The following PCDH15 variants were observed in gnomAD, a reference collection of about 807,000 sequenced individuals.
PCDH15 encodes the protein protocadherin-15.
A neutral mutation model predicts 178.5 loss-of-function variants in PCDH15; 129 were observed. That is an observed-to-expected ratio of 0.72 (90% CI 0.63 to 0.84). The LOEUF (loss-of-function observed/expected upper bound fraction) is 0.84, where lower values mean the gene tolerates loss of function less well. PCDH15 is among the 40% of genes least tolerant of loss of function. The pLI is 0.00. For missense variants in PCDH15, 2,230 were observed against 2,099.9 expected, an observed-to-expected ratio of 1.06 and a Z score of -1.21; for synonymous variants, 800 against 732.0, an observed-to-expected ratio of 1.09 and a Z score of -1.50.
At chr10:54,936,634 G>A (rs547483763) in intron 2 of PCDH15, among the ~76,000 whole-genome samples, 1 of 150,966 alleles carries the variant, frequency 6.6e-6, no homozygotes, top group Non-Finnish European at 1.5e-5. Context: ...AATAACTAAT[G>A]ATAATCATAA....
chr10:55,207,151 TGTTA>T (rs1840424652), intron 1 of PCDH15, among the ~76,000 whole-genome samples: 1 of 152,134 alleles, frequency 6.6e-6, no homozygotes, highest in Non-Finnish European at 1.5e-5. Flanking sequence ...TGAAAAACTT[TGTTA>T]TTTATTAAAT....
chr10:55,573,823 T>A (rs1842449976), intron 2 of PCDH15, among the ~76,000 whole-genome samples: 2 of 152,000 alleles, frequency 1.3e-5, no homozygotes, highest in Admixed American at 6.6e-5. Flanking sequence ...TGGTCTATGA[T>A]GTTTCCATTT....
At chr10:54,579,457 C>A (rs1048089229) in intron 2 of PCDH15, among the ~76,000 whole-genome samples, 1 of 152,102 alleles carries the variant, frequency 6.6e-6, no homozygotes, top group African/African-American at 2.4e-5. Context: ...TAAATATGCA[C>A]ACACTCAATA....
intron 1 of PCDH15, among the ~76,000 whole-genome samples, chr10:55,272,981 T>A (rs893037421): frequency 2.0e-5 from 3 of 152,158 alleles, no homozygotes; most frequent in East Asian, 3.9e-4. Context: ...GTCTCCCCTA[T>A]GAGACTATGA....
At chr10:55,342,149 T>C (rs1436568017) in intron 2 of PCDH15, among the ~76,000 whole-genome samples, 1 of 151,660 alleles carries the variant, frequency 6.6e-6, no homozygotes, top group Non-Finnish European at 1.5e-5. Context: ...TTTTTTAATA[T>C]TTCTTTTTAG....
intron 8 of PCDH15, among the ~76,000 whole-genome samples, chr10:54,285,652 C>T (rs2058985445): frequency 6.6e-6 from 1 of 152,050 alleles, no homozygotes; most frequent in Non-Finnish European, 1.5e-5. Context: ...TTATGAAAAA[C>T]AATATGGAGG....
chr10:53,963,668 C>T (rs2088618728), intron 21 of PCDH15, among the ~76,000 whole-genome samples: 1 of 152,008 alleles, frequency 6.6e-6, no homozygotes, highest in African/African-American at 2.4e-5. Context: ...AAATTTATAA[C>T]TCTTCTACTA....
intron 20 of PCDH15, among the ~76,000 whole-genome samples, chr10:54,010,313 C>T (rs557364014): frequency 6.6e-6 from 1 of 152,036 alleles, no homozygotes; most frequent in African/African-American, 2.4e-5. Context: ...CAGGGCTTCC[C>T]AACCTAGGAC....
intron 1 of PCDH15, among the ~76,000 whole-genome samples, chr10:54,665,797 G>A (rs1045253799): frequency 7.9e-5 from 12 of 151,896 alleles, no homozygotes; most frequent in African/African-American, 2.9e-4. Flanking sequence ...CAAAGTGCTT[G>A]GCGCGTGCAT....
chr10:54,976,818 C>G (rs1414023318), intron 2 of PCDH15, among the ~76,000 whole-genome samples: 1 of 152,014 alleles, frequency 6.6e-6, no homozygotes, highest in Non-Finnish European at 1.5e-5. Context: ...GTTTCAGCCC[C>G]CATATAAGGA....
intron 2 of PCDH15, among the ~76,000 whole-genome samples, chr10:54,643,667 T>C (rs1172926686): frequency 6.7e-6 from 1 of 150,290 alleles, no homozygotes; most frequent in African/African-American, 2.5e-5. Flanking sequence ...GTATTTGGTA[T>C]AGATTCAGAA....
intron 2 of PCDH15, among the ~76,000 whole-genome samples, chr10:55,442,145 C>A (rs1402702324): frequency 6.6e-6 from 1 of 151,972 alleles, no homozygotes; most frequent in African/African-American, 2.4e-5. Context: ...GCACAGGAAA[C>A]TAATAGGTAC....
At chr10:54,986,420 T>A (rs1015998323) in intron 2 of PCDH15, among the ~76,000 whole-genome samples, 2 of 152,226 alleles carry the variant, frequency 1.3e-5, no homozygotes, top group Non-Finnish European at 2.9e-5. Context: ...TTTATTTATA[T>A]CTGATTTTGT....
intron 2 of PCDH15, among the ~76,000 whole-genome samples, chr10:55,547,908 TGTGAGAGAGAGAGA>T (rs1841920793): frequency 5.7e-5 from 2 of 35,284 alleles, no homozygotes; most frequent in African/African-American, 2.5e-4. Flanking sequence ...TGTGTGTGTG[TGTGAGAGAGAGAGA>T]GAGAGAGAGA....
At chr10:55,092,153 T>A (rs1842334297) in intron 2 of PCDH15, among the ~76,000 whole-genome samples, 1 of 151,932 alleles carries the variant, frequency 6.6e-6, no homozygotes, top group Non-Finnish European at 1.5e-5. Context: ...ATTGTCTTAA[T>A]TTTCCTTGTG....
At chr10:53,931,461 T>C (rs1367393005) in intron 25 of PCDH15, among the ~76,000 whole-genome samples, 3 of 152,204 alleles carry the variant, frequency 2.0e-5, no homozygotes, top group Non-Finnish European at 2.9e-5. Flanking sequence ...TTATGTGCCA[T>C]GCATTTTAGG....
intron 2 of PCDH15, among the ~76,000 whole-genome samples, chr10:55,621,807 C>CA (rs111829421): frequency 4.7e-4 from 65 of 139,482 alleles, no homozygotes; most frequent in African/African-American, 1.3e-3. Context: ...GTGGTAATTA[C>CA]AAAAAAAAAA....
At chr10:54,930,559 G>T (rs776538490) in intron 2 of PCDH15, among the ~76,000 whole-genome samples, 28 of 152,074 alleles carry the variant, frequency 1.8e-4, no homozygotes, top group African/African-American at 2.9e-4. Context: ...TTGAATTTTT[G>T]ATTTCAACAC....
intron 16 of PCDH15, among the ~76,000 whole-genome samples, chr10:54,080,200 CTTAAT>C (rs966725201): frequency 6.6e-6 from 1 of 151,920 alleles, no homozygotes; most frequent in Non-Finnish European, 1.5e-5. Flanking sequence ...TTAGCTGTTT[CTTAAT>C]TTAACTGATG....
Sources: gnomAD v4.1 joint callset for allele counts (sites outside exome capture counted in the v4.1 genomes callset) on GRCh38, gnomAD v4.1.1 for gene constraint, MANE v1.5 for transcripts, NCBI Gene and HGNC (gene_info 2026-07-23, HGNC 2026-07-21) for gene names.